Variants in EDIL3 observed in about 807,000 individuals in gnomAD.
EDIL3 encodes EGF-like repeat and discoidin I-like domain-containing protein 3.
In EDIL3, 37 loss-of-function variants were observed where a neutral mutation model predicts 67.4. The ratio of observed to expected loss-of-function variants is 0.55; its 90% CI spans 0.42 to 0.72. EDIL3 has a LOEUF of 0.72. Among genes scored for constraint, EDIL3 ranks in the 30% least tolerant of loss-of-function variants. The probability of loss-of-function intolerance (pLI) is 0.00; values close to 1 mark genes in which losing one functional copy is unlikely to be tolerated. For synonymous variants in EDIL3, 195 were observed against 196.3 expected, an observed-to-expected ratio of 0.99 and a Z score of 0.05; for missense variants, 527 against 586.3, an observed-to-expected ratio of 0.90 and a Z score of 1.04.
In EDIL3 at chr5:84,384,463, C is replaced by T. The variant is rs947988039; in HGVS notation, c.-89G>A. On this transcript the variant is annotated 5_prime_UTR_variant, in exon 1 of 11. Coordinates refer to ENST00000296591, the MANE Select transcript of EDIL3 (RefSeq NM_005711.5). ...GGTGGCAGCGCAGGGCAGCAGCAGA[C>T]TCCGCCCCTACTAAAGAATTCAAGA... 8.8e-5 allele frequency: 112 copies of T among 1,267,222 alleles called. No individual in the cohort carries two copies. In the Admixed American group the frequency reaches 2.0e-3, roughly 23 times the overall value. The allele number at this position is 1,267,222 out of a possible 1,614,324, so 78.5% of individuals were successfully genotyped here.
intron 1 of EDIL3, among the ~76,000 whole-genome samples, chr5:84,363,261 A>C (rs566611593): frequency 6.6e-6 from 1 of 152,224 alleles, no homozygotes; most frequent in Admixed American, 6.5e-5. Flanking sequence ...GATTGAGACC[A>C]TCATGGCCAA....
intron 9 of EDIL3, among the ~76,000 whole-genome samples, chr5:83,985,553 C>A (rs992808414): frequency 6.6e-6 from 1 of 151,928 alleles, no homozygotes; most frequent in Non-Finnish European, 1.5e-5. Context: ...GGGCCAAACA[C>A]CCTCTGTTCT....
chr5:83,979,153 C>A (rs1210737248), intron 9 of EDIL3, among the ~76,000 whole-genome samples: 1 of 152,002 alleles, frequency 6.6e-6, no homozygotes, highest in African/African-American at 2.4e-5. Flanking sequence ...TAGGATGAGA[C>A]ATAAATGAAA....
chr5:84,312,226 C>T (rs1238459519), intron 1 of EDIL3, among the ~76,000 whole-genome samples: 65 of 140,664 alleles, frequency 4.6e-4, no homozygotes, highest in Middle Eastern at 4.0e-3. Context: ...GGCGGCTGGC[C>T]GGGTGGGGGG....
intron 10 of EDIL3, among the ~76,000 whole-genome samples, chr5:83,958,326 C>T (rs765437453): frequency 1.3e-5 from 2 of 151,488 alleles, no homozygotes; most frequent in African/African-American, 2.4e-5. Flanking sequence ...AAGCTCTCCT[C>T]ATGAGTGCCA....
At chr5:84,114,157 T>G (rs1472952276) in intron 5 of EDIL3, among the ~76,000 whole-genome samples, 1 of 150,432 alleles carries the variant, frequency 6.6e-6, no homozygotes, top group East Asian at 1.9e-4. Flanking sequence ...AGTTTTTTTT[T>G]TTTTTTTTTT....
At chr5:84,026,248 T>C (rs1255823273) in intron 9 of EDIL3, among the ~76,000 whole-genome samples, 1 of 152,234 alleles carries the variant, frequency 6.6e-6, no homozygotes, top group East Asian at 1.9e-4. Flanking sequence ...ATAAGATTTC[T>C]GTTTTGATCC....
intron 9 of EDIL3, among the ~76,000 whole-genome samples, chr5:84,035,922 A>G (rs571806153): frequency 1.4e-4 from 22 of 152,204 alleles, no homozygotes; most frequent in Non-Finnish European, 2.8e-4. Flanking sequence ...TATTGGCTAT[A>G]AACTTTTTAA....
intron 9 of EDIL3, among the ~76,000 whole-genome samples, chr5:84,053,809 A>G (rs182204128): frequency 6.6e-6 from 1 of 152,330 alleles, no homozygotes; most frequent in East Asian, 1.9e-4. Context: ...AATTGAGGCA[A>G]GAATTAATAG....
At chr5:84,274,324 A>C (rs1745532397) in intron 1 of EDIL3, among the ~76,000 whole-genome samples, 3 of 151,666 alleles carry the variant, frequency 2.0e-5, no homozygotes, top group Non-Finnish European at 1.5e-5. Flanking sequence ...CTGGTCTTGA[A>C]CTCCTGGACT....
chr5:84,068,600 T>C (rs1364837491), intron 6 of EDIL3, among the ~76,000 whole-genome samples: 1 of 152,230 alleles, frequency 6.6e-6, no homozygotes, highest in East Asian at 1.9e-4. Flanking sequence ...AAGATGGAAC[T>C]GCAGTTAGTT....
Position 84,150,135 on chromosome 5 carries a change from G to A in EDIL3, c.356-12781C>T, listed in dbSNP as rs141341499. Among the ~76,000 whole-genome samples the A allele has an allele frequency of 2.1e-3, 316 of 152,146 alleles. 1 individual carries two copies. Among genetic ancestry groups the A allele is most frequent in the African/African-American group, 2.4e-3 (100 of 41,538 alleles). ...GAAGAAAGCTACAAAAAGGCACATC[G>A]TTATTACAAAAGACATCAAAATTAT... On this transcript the variant is annotated intron_variant, in intron 4 of 10. Coordinates refer to ENST00000296591, the MANE Select transcript of EDIL3 (RefSeq NM_005711.5).
In EDIL3 at chr5:84,180,609, A is replaced by T. The variant is rs1017328558; in HGVS notation, c.227-88T>A. The stretch of plus-strand genomic sequence containing the variant: ...CATTTTGCAATTAATAATTTTACAG[A>T]AAAAAGTGTTCTAGATATTAGTGGC... On this transcript the variant is annotated intron_variant, in intron 3 of 10. Coordinates refer to ENST00000296591, the MANE Select transcript of EDIL3 (RefSeq NM_005711.5). 29 of 1,375,612 alleles carry T rather than the reference A, an allele frequency of 2.1e-5. 1 individual carries two copies. The highest frequency in any genetic ancestry group is 1.9e-4 in the Middle Eastern group (1 of 5,262). 85.2% of individuals were successfully genotyped at this position (1,375,612 alleles called of 1,614,324 possible).
At chr5:84,143,657 C>T (rs908585215) in intron 4 of EDIL3, among the ~76,000 whole-genome samples, 4 of 151,854 alleles carry the variant, frequency 2.6e-5, no homozygotes, top group African/African-American at 7.3e-5. Context: ...GACAGCTATT[C>T]CAAGGGATAT....
chr5:84,359,084 T>C (rs1048565997), intron 1 of EDIL3, among the ~76,000 whole-genome samples: 2 of 152,202 alleles, frequency 1.3e-5, no homozygotes, highest in African/African-American at 4.8e-5. Flanking sequence ...ATGTTATTAC[T>C]GCTCCGTCCC....
intron 9 of EDIL3, among the ~76,000 whole-genome samples, chr5:84,022,528 A>G (rs1745736932): frequency 6.6e-6 from 1 of 152,012 alleles, no homozygotes; most frequent in Non-Finnish European, 1.5e-5. Flanking sequence ...ATTTCAGTAT[A>G]CATAATGGAA....
intron 6 of EDIL3, among the ~76,000 whole-genome samples, chr5:84,086,980 T>C (rs900987615): frequency 1.3e-5 from 2 of 152,006 alleles, no homozygotes; most frequent in African/African-American, 4.8e-5. Flanking sequence ...TAAAAAAAAA[T>C]TCCTAGGAAC....
intron 5 of EDIL3, among the ~76,000 whole-genome samples, chr5:84,131,929 A>C (rs1027211632): frequency 1.3e-5 from 2 of 151,992 alleles, no homozygotes; most frequent in Admixed American, 1.3e-4. Context: ...GTACACATTG[A>C]TATCAAAAGA....
chr5:83,989,665 G>A (rs560202461), intron 9 of EDIL3, among the ~76,000 whole-genome samples: 1 of 152,318 alleles, frequency 6.6e-6, no homozygotes, highest in Non-Finnish European at 1.5e-5. Flanking sequence ...AGAGATTGAG[G>A]TGGCTCCCAT....
Sources: gnomAD v4.1 joint callset for allele counts (sites outside exome capture counted in the v4.1 genomes callset) on GRCh38, gnomAD v4.1.1 for gene constraint, MANE v1.5 for transcripts, NCBI Gene and HGNC (gene_info 2026-07-23, HGNC 2026-07-21) for gene names.